MLLT10: variants seen among roughly 807,000 people sequenced by gnomAD.
The protein encoded by MLLT10 is MLLT10 histone lysine methyltransferase DOT1L cofactor.
A neutral mutation model predicts 129.1 loss-of-function variants in MLLT10; 30 were observed. The observed-to-expected ratio is 0.23, with a 90% CI of 0.17 to 0.32. The LOEUF is 0.32. Among genes scored for constraint, MLLT10 ranks in the 10% least tolerant of loss-of-function variants. The pLI, the probability that MLLT10 is intolerant of heterozygous loss-of-function variation, is 1.00. For missense variants in MLLT10, 1,119 were observed against 1,268.3 expected (o/e 0.88, Z 1.79); for synonymous variants, 490 against 446.4 (o/e 1.10, Z -1.23).
At chr10:21,550,457 C>T (rs1199876561) in intron 3 of MLLT10, among the ~76,000 whole-genome samples, 1 of 152,188 alleles carries the variant, frequency 6.6e-6, no homozygotes, top group Non-Finnish European at 1.5e-5. Flanking sequence ...CTGTCATAGT[C>T]AGTCCTACCC....
chr10:21,628,142 G>A (rs763961001), intron 8 of MLLT10, among the ~76,000 whole-genome samples: 20 of 152,102 alleles, frequency 1.3e-4, no homozygotes, highest in Non-Finnish European at 1.8e-4. Context: ...GTCAGCTTCT[G>A]CCTACTACCT....
intron 9 of MLLT10, among the ~76,000 whole-genome samples, chr10:21,665,651 C>A (rs2050713803): frequency 6.6e-6 from 1 of 151,994 alleles, no homozygotes; most frequent in South Asian, 2.1e-4. Context: ...TTGTTGCAAT[C>A]TTTGCTTTTT....
At chr10:21,702,845 A>G (rs1038938280) in intron 13 of MLLT10, among the ~76,000 whole-genome samples, 4 of 152,100 alleles carry the variant, frequency 2.6e-5, no homozygotes, top group African/African-American at 9.7e-5. Context: ...TTTGTGGGCA[A>G]TAAGTAGTTG....
At chr10:21,642,580 C>T (rs564291792) in intron 8 of MLLT10, among the ~76,000 whole-genome samples, 6 of 149,318 alleles carry the variant, frequency 4.0e-5, no homozygotes, top group Admixed American at 2.0e-4. Flanking sequence ...TTGCTTGAGC[C>T]GGGGAGACGG....
At chr10:21,539,946 AG>A (rs1256942801) in intron 3 of MLLT10, among the ~76,000 whole-genome samples, 1 of 150,370 alleles carries the variant, frequency 6.7e-6, no homozygotes, top group East Asian at 2.0e-4. Context: ...CTCTCAGGAA[AG>A]GAAAAAAAAA....
chr10:21,684,672 T>G (rs2053105726), intron 13 of MLLT10, among the ~76,000 whole-genome samples: 1 of 152,220 alleles, frequency 6.6e-6, no homozygotes, highest in South Asian at 2.1e-4. Context: ...TGATGGTCAA[T>G]CTAAAGTGCA....
intron 8 of MLLT10, among the ~76,000 whole-genome samples, chr10:21,623,922 C>CTTTTTTTTTAATAGAT (rs1554822454): frequency 3.3e-5 from 5 of 150,884 alleles, no homozygotes; most frequent in Non-Finnish European, 5.9e-5. Flanking sequence ...ATCTATGGTT[C>CTTTTTTTTTAATAGAT]TTTTTTTTTA....
intron 4 of MLLT10, among the ~76,000 whole-genome samples, chr10:21,586,976 G>GT (rs1457210570): frequency 6.7e-6 from 1 of 149,528 alleles, no homozygotes; most frequent in African/African-American, 2.5e-5. Context: ...TTTTGTTGTT[G>GT]TTGTTAGACC....
intron 5 of MLLT10, 161 bp downstream of exon 5, chr10:21,595,601 A>G (rs2131132908): frequency 1.8e-6 from 1 of 555,518 alleles, no homozygotes; most frequent in Non-Finnish European, 3.2e-6. Flanking sequence ...TTAATATGTT[A>G]CTAAGGTCAC....
Position 21,563,301 on chromosome 10 carries a change from G to T in MLLT10, c.241-22993G>T, listed in dbSNP as rs188799546. Among the ~76,000 whole-genome samples the T allele has an allele frequency of 9.2e-3, 1,404 of 152,116 alleles. 21 individuals carry two copies. Among genetic ancestry groups the T allele is most frequent in the African/African-American group, 0.032 (1,308 of 41,522 alleles). ...CACTTTGGGAGGCTGAGGCGGGTGG[G>T]TCACTTGAGGTCAGGAGTTTGAAAC... On this transcript the variant is annotated intron_variant, in intron 3 of 22. Transcript: ENST00000307729.
At chr10:21,654,021 C>A (rs2049311526) in intron 9 of MLLT10, among the ~76,000 whole-genome samples, 3 of 152,118 alleles carry the variant, frequency 2.0e-5, no homozygotes, top group Admixed American at 2.0e-4. Context: ...AGAAAACTAA[C>A]AGGATGTGGT....
In MLLT10 at chr10:21,610,775, G is replaced by C. The variant is rs563756182; in HGVS notation, c.406-1573G>C. Among the ~76,000 whole-genome samples, 6 of 151,732 alleles carry C rather than the reference G, an allele frequency of 4.0e-5. No homozygotes were observed. The South Asian group carries it at 1.2e-3, about 32-fold the overall frequency. On this transcript the variant is annotated intron_variant, in intron 5 of 22. Coordinates refer to ENST00000307729, the MANE Select transcript of MLLT10 (RefSeq NM_001195626.3). ...AAATTTTGCCATATAGAGTGTTACT[G>C]TTTCAATGTGCTCTATTTTTAAATT...
chr10:21,566,334 C>G (rs1408383373), intron 3 of MLLT10, among the ~76,000 whole-genome samples: 1 of 150,692 alleles, frequency 6.6e-6, no homozygotes, highest in East Asian at 2.0e-4. Flanking sequence ...CCCCCCCACC[C>G]CCTTTTTTTT....
intron 4 of MLLT10, among the ~76,000 whole-genome samples, chr10:21,587,585 A>G (rs2042108342): frequency 6.6e-6 from 1 of 152,138 alleles, no homozygotes; most frequent in Non-Finnish European, 1.5e-5. Context: ...ATGTGTAGAC[A>G]TGAGTTTATT....
chr10:21,732,895 G>T lies in MLLT10; in HGVS notation c.2219-4G>T, dbSNP rs774546886. ...TTATTAAAAACTATCCAAATGTGTG[G>T]TAGTTTTAGGAATGCTGAAGTCATT... On this transcript the variant is annotated splice_polypyrimidine_tract_variant and splice_region_variant and intron_variant, in intron 17 of 22. Transcript: ENST00000307729. 3 of 1,610,932 alleles carry T rather than the reference G, an allele frequency of 1.9e-6. No individual in the cohort carries two copies. The highest frequency in any genetic ancestry group is 2.5e-6 in the Non-Finnish European group (3 of 1,178,334).
intron 9 of MLLT10, among the ~76,000 whole-genome samples, chr10:21,664,529 T>C (rs560013671): frequency 4.4e-4 from 67 of 151,788 alleles, no homozygotes; most frequent in African/African-American, 1.5e-3. Context: ...TCTCTTGACC[T>C]CGTGACCTGC....
intron 3 of MLLT10, chr10:21,551,754 CTTT>C (rs762686460): frequency 2.9e-4 from 99 of 341,866 alleles, no homozygotes; most frequent in Admixed American, 3.8e-4. Context: ...TGTGTTTAGA[CTTT>C]TTTTTTTTTT....
rs780160506 is a variant in MLLT10, at chr10:21,670,602, G to A, written c.949G>A (p.Gly317Arg). The change falls in exon 10 of 23, where the codon GGG becomes AGG. Residue 317 changes from glycine to arginine, a missense_variant. Gly to Arg is a moderately radical substitution (Grantham distance 125). This residue lies in a region of MLLT10 where 1,004 missense variants were observed against 1,008.7 expected (regional missense o/e 1.00). Coordinates refer to ENST00000307729, the MANE Select transcript of MLLT10 (RefSeq NM_001195626.3). ...AGAGACTAGAGGGTCAGAGGGCAAA[G>A]GGAAGAAATCTTCAGCTCACAGCTC... ...VSETRGSEGK[G>R]KKSSAHSSGQ... 1.9e-5 allele frequency: 30 copies of A among 1,614,042 alleles called. No individual in the cohort carries two copies. In the South Asian group the frequency reaches 3.2e-4, roughly 17 times the overall value.
intron 3 of MLLT10, among the ~76,000 whole-genome samples, chr10:21,573,125 C>A (rs1448989136): frequency 6.6e-6 from 1 of 152,064 alleles, no homozygotes; most frequent in Non-Finnish European, 1.5e-5. Flanking sequence ...AGATGATTGT[C>A]ATAAAACACT....
Sources: gnomAD v4.1 joint callset for allele counts (sites outside exome capture counted in the v4.1 genomes callset) on GRCh38, gnomAD v4.1.1 for gene constraint, gnomAD v4.1.1 regional missense constraint, MANE v1.5 for transcripts, NCBI Gene and HGNC (gene_info 2026-07-23, HGNC 2026-07-21) for gene names.